Variants in STARD3 observed in about 807,000 individuals in gnomAD.
STARD3 encodes stAR-related lipid transfer protein 3.
STARD3 carries 39 observed loss-of-function variants against 62.0 expected under a neutral mutation model. The observed-to-expected ratio is 0.63, with a 90% CI of 0.49 to 0.82. STARD3 has a LOEUF of 0.82. Among genes scored for constraint, STARD3 ranks in the 40% least tolerant of loss-of-function variants. The pLI is 0.00. For missense variants in STARD3, 543 were observed against 584.5 expected, an observed-to-expected ratio of 0.93 and a Z score of 0.73; for synonymous variants, 229 against 242.4, an observed-to-expected ratio of 0.94 and a Z score of 0.51.
At chr17:39,661,338 G>A (rs891236805) in intron 13 of STARD3, 18 of 536,342 alleles carry the variant, frequency 3.4e-5, no homozygotes, top group Non-Finnish European at 4.7e-5. Flanking sequence ...TGGCTGGCTG[G>A]GGTAGACCAT....
In STARD3 at chr17:39,657,069, C is replaced by A. The variant is rs771816906; in HGVS notation, c.281C>A (p.Ser94Tyr). The A allele has an allele frequency of 4.3e-6, 7 of 1,614,056 alleles. No homozygotes were observed. Among genetic ancestry groups the A allele is most frequent in the Non-Finnish European group, 5.9e-6 (7 of 1,180,034 alleles). The change falls in exon 3 of 15, where the codon TCC becomes TAC. Residue 94 changes from serine to tyrosine, a missense_variant. Transcript: ENST00000336308. ...ATCATCCAGTACAACTTTAAAACTTCCTTCTTCGACATCTTTGTGAGTGGC... is the reference window on the plus strand; with the variant it reads ...ATCATCCAGTACAACTTTAAAACTTACTTCTTCGACATCTTTGTGAGTGGC... ...QEIIQYNFKT[S>Y]FFDIFVLAFF...
chr17:39,656,706 G>T (rs1046877513), intron 2 of STARD3, among the ~76,000 whole-genome samples: 6 of 152,148 alleles, frequency 3.9e-5, no homozygotes, highest in Admixed American at 1.3e-4. Flanking sequence ...TGTATAGGGC[G>T]CATTGCCTCC....
chr17:39,644,517 A>G (rs2057007292), intron 1 of STARD3, among the ~76,000 whole-genome samples: 1 of 152,010 alleles, frequency 6.6e-6, no homozygotes, highest in African/African-American at 2.4e-5. Context: ...GGCTTGCACA[A>G]TGAGTAGGTG....
At chr17:39,639,565 A>T (rs181044288) in intron 1 of STARD3, among the ~76,000 whole-genome samples, 42 of 152,330 alleles carry the variant, frequency 2.8e-4, no homozygotes, top group African/African-American at 9.1e-4. Context: ...GCTCCAGTAG[A>T]TGGTGGCTGG....
intron 1 of STARD3, among the ~76,000 whole-genome samples, chr17:39,650,814 T>TA (rs1385067784): frequency 1.3e-5 from 2 of 152,036 alleles, no homozygotes; most frequent in Non-Finnish European, 2.9e-5. Flanking sequence ...ACCCTGCCTC[T>TA]AAAAAAACAA....
intron 1 of STARD3, among the ~76,000 whole-genome samples, chr17:39,645,183 C>G (rs1023944226): frequency 4.6e-5 from 7 of 152,176 alleles, no homozygotes; most frequent in Admixed American, 4.6e-4. Flanking sequence ...GAGTAGAGAT[C>G]AGCCCCTGCA....
intron 1 of STARD3, among the ~76,000 whole-genome samples, chr17:39,643,124 G>A (rs1453667239): frequency 6.6e-6 from 1 of 152,058 alleles, no homozygotes; most frequent in Non-Finnish European, 1.5e-5. Flanking sequence ...AGAGGTGATA[G>A]CCTGGACAGG....
Position 39,660,566 on chromosome 17 carries a change from G to A in STARD3, c.954+40G>A, listed in dbSNP as rs377032327. The A allele has an allele frequency of 7.8e-5, 124 of 1,599,646 alleles. No homozygotes were observed. Among genetic ancestry groups the A allele is most frequent in the Non-Finnish European group, 1.0e-4 (117 of 1,167,786 alleles). On this transcript the variant is annotated intron_variant, in intron 11 of 14. Transcript: ENST00000336308. This position sits in a 1 kb window ranked among gnomAD's most constrained non-coding sequence, Gnocchi z 4.8. The stretch of plus-strand genomic sequence containing the variant: ...GCTGCCTCTTAAGGCACAGATGGGG[G>A]CACAGCCACGCCTCAGTGGGATCAC...
chr17:39,659,643 C>A (rs2145033054), intron 9 of STARD3, 90 bp downstream of exon 9: 1 of 1,408,318 alleles, frequency 7.1e-7, no homozygotes, highest in South Asian at 1.2e-5. Context: ...CCAAAGATTA[C>A]ATGGGTTGGA....
rs2057224059 is a variant in STARD3 at position 39,663,465 on chromosome 17, A to G, written c.*557A>G. On this transcript the variant is annotated 3_prime_UTR_variant, in exon 15 of 15. Coordinates refer to ENST00000336308, the MANE Select transcript of STARD3 (RefSeq NM_006804.4). ...TTGTATTAAGCCAATTAAAAACATG[A>G]ATTTAAAAAAAAAAAAAAATTCCAG... is the stretch of plus-strand genomic sequence containing the variant. 2 of 162,874 alleles carry G rather than the reference A, an allele frequency of 1.2e-5. No individual in the cohort carries two copies. Among genetic ancestry groups the G allele is most frequent in the Non-Finnish European group, 2.6e-5 (2 of 76,718 alleles). The allele number at this position is 162,874 out of a possible 1,614,324, so 10.1% of individuals were successfully genotyped here. A position where few individuals can be genotyped will look rare whatever the true frequency, so the allele number is the denominator to read the frequency against.
At position 39,656,295 on chromosome 17, in the gene STARD3, C is replaced by T. The variant is rs541981216; in HGVS notation, c.220-713C>T. Among the ~76,000 whole-genome samples the T allele has an allele frequency of 7.6e-4, 116 of 152,222 alleles. 1 individual carries two copies. The highest frequency in any genetic ancestry group is 2.7e-3 in the African/African-American group (111 of 41,524). On this transcript the variant is annotated intron_variant, in intron 2 of 14. Transcript: ENST00000336308. ...CTCCCTTCTCCAGGGTGGCTGGTGC[C>T]CCACCTGAAGGAGCCTAGGCCCGTC...
chr17:39,659,004 C>T, intron 7 of STARD3, 47 bp from the exon 8 acceptor site: 1 of 1,612,186 alleles, frequency 6.2e-7, no homozygotes, highest in Non-Finnish European at 8.5e-7. Context: ...CCTCCCCACA[C>T]TCTCTCCCCA....
At chr17:39,638,590 C>T (rs1184276145) in intron 1 of STARD3, among the ~76,000 whole-genome samples, 2 of 152,224 alleles carry the variant, frequency 1.3e-5, no homozygotes. Flanking sequence ...GCTGCCTCCG[C>T]CTAACCCCCA....
chr17:39,642,323 T>A (rs2056989022), intron 1 of STARD3, among the ~76,000 whole-genome samples: 1 of 152,194 alleles, frequency 6.6e-6, no homozygotes, highest in Admixed American at 6.5e-5. Context: ...ATACCCTGCT[T>A]GAGGACCCCC....
intron 1 of STARD3, among the ~76,000 whole-genome samples, chr17:39,651,430 C>T (rs1372093651): frequency 6.6e-6 from 1 of 152,216 alleles, no homozygotes; most frequent in Admixed American, 6.5e-5. Flanking sequence ...ACATCTAGAG[C>T]TTCCCTTCCT....
intron 1 of STARD3, among the ~76,000 whole-genome samples, chr17:39,642,610 A>G (rs955091871): frequency 4.6e-5 from 7 of 152,172 alleles, no homozygotes; most frequent in Non-Finnish European, 1.0e-4. Flanking sequence ...GGAAGTCCTT[A>G]CTTTCATGGA....
chr17:39,649,038 A>G (rs1218683179), intron 1 of STARD3, among the ~76,000 whole-genome samples: 1 of 152,182 alleles, frequency 6.6e-6, no homozygotes, highest in Non-Finnish European at 1.5e-5. Context: ...CAGATAGAGA[A>G]GAGAGAGAGA....
intron 1 of STARD3, among the ~76,000 whole-genome samples, chr17:39,641,035 C>T (rs550980957): frequency 6.6e-6 from 1 of 152,202 alleles, no homozygotes; most frequent in Admixed American, 6.5e-5. Flanking sequence ...CCAACCATCC[C>T]GAGGCTGATG....
chr17:39,647,712 A>T (rs1416475107), intron 1 of STARD3, among the ~76,000 whole-genome samples: 1 of 152,206 alleles, frequency 6.6e-6, no homozygotes, highest in African/African-American at 2.4e-5. Flanking sequence ...ACTCAGGGTG[A>T]TGCTGGAGTT....
Sources: allele counts gnomAD v4.1 joint callset (sites outside exome capture counted in the v4.1 genomes callset), GRCh38; gene constraint gnomAD v4.1.1; non-coding constraint Gnocchi (gnomAD v3.1); transcripts MANE v1.5; gene names NCBI Gene and HGNC (gene_info 2026-07-23, HGNC 2026-07-21).